The following NKAIN3 variants were observed in gnomAD, a reference collection of about 807,000 sequenced individuals.
NKAIN3 encodes the protein sodium/potassium-transporting ATPase subunit beta-1-interacting protein 3.
Under a neutral mutation model 30.2 loss-of-function variants are expected in NKAIN3, and 25 were observed. The observed-to-expected ratio is 0.83, with a 90% CI of 0.60 to 1.16. The LOEUF (loss-of-function observed/expected upper bound fraction) is 1.16. Ranked by LOEUF, NKAIN3 falls within the 50% of genes most tolerant of loss-of-function variation. The pLI, the probability that NKAIN3 is intolerant of heterozygous loss-of-function variation, is 0.00. For synonymous variants in NKAIN3, 91 were observed against 89.6 expected (o/e 1.02, Z -0.09); for missense variants, 225 against 254.1 (o/e 0.89, Z 0.78).
chr8:62,911,135 G>A (rs771495584), intron 4 of NKAIN3, among the ~76,000 whole-genome samples: 6 of 152,088 alleles, frequency 3.9e-5, no homozygotes, highest in Non-Finnish European at 7.4e-5. Flanking sequence ...ATAAAGGTGT[G>A]GGTAGAAGTA....
chr8:62,370,692 C>T (rs931017325), intron 1 of NKAIN3, among the ~76,000 whole-genome samples: 3 of 151,864 alleles, frequency 2.0e-5, no homozygotes, highest in African/African-American at 7.3e-5. Flanking sequence ...GCTAGCACTA[C>T]CTATTGTATT....
At chr8:62,564,611 A>G (rs1228502638) in intron 1 of NKAIN3, among the ~76,000 whole-genome samples, 2 of 152,154 alleles carry the variant, frequency 1.3e-5, no homozygotes, top group Non-Finnish European at 2.9e-5. Context: ...TGGCCTGCCC[A>G]TTTTTAGGTT....
intron 3 of NKAIN3, among the ~76,000 whole-genome samples, chr8:62,667,355 ATATCTG>A (rs1335955925): frequency 5.2e-5 from 4 of 76,712 alleles, no homozygotes; most frequent in African/African-American, 2.6e-4. Flanking sequence ...CTTTATATAT[ATATCTG>A]TATATATATA....
chr8:62,624,152 T>C (rs1033341190), intron 3 of NKAIN3, among the ~76,000 whole-genome samples: 2 of 152,098 alleles, frequency 1.3e-5, no homozygotes, highest in African/African-American at 4.8e-5. Flanking sequence ...ACTTTCATCA[T>C]CAACTTGGTT....
chr8:62,960,758 A>ACACAC (rs1490723422), intron 6 of NKAIN3, among the ~76,000 whole-genome samples: 8 of 74,082 alleles, frequency 1.1e-4, no homozygotes, highest in Non-Finnish European at 1.8e-4. Flanking sequence ...CACACACACA[A>ACACAC]GTGATTAGAA....
intron 1 of NKAIN3, among the ~76,000 whole-genome samples, chr8:62,289,507 A>C (rs367825163): frequency 9.9e-5 from 15 of 151,898 alleles, no homozygotes; most frequent in Middle Eastern, 3.2e-3. Flanking sequence ...GGAATCCTTT[A>C]CCCATTTCTT....
intron 4 of NKAIN3, chr8:62,863,682 C>A: frequency 7.0e-7 from 1 of 1,427,150 alleles, no homozygotes; most frequent in Non-Finnish European, 9.9e-7. Context: ...AATTTTATTT[C>A]ATCCAAGGCT....
chr8:62,598,965 G>C (rs116339734), intron 3 of NKAIN3, among the ~76,000 whole-genome samples: 1,727 of 152,020 alleles, frequency 0.011, 36 homozygotes, highest in African/African-American at 0.04. Context: ...AGGAAGACAG[G>C]GTTCAAGATT....
intron 1 of NKAIN3, among the ~76,000 whole-genome samples, chr8:62,499,506 G>C (rs928484644): frequency 6.6e-6 from 1 of 152,090 alleles, no homozygotes; most frequent in Admixed American, 6.6e-5. Flanking sequence ...GTATTTCACC[G>C]AAGGTCTCCA....
Position 62,747,046 on chromosome 8 carries a change from T to C in NKAIN3, c.388T>C (p.Tyr130His). ...PPSAHGMMDD[Y>H]TYVSVTGCIV... ...CTCAGCCCATGGCATGATGGACGATTACACGTACGTCTCTGTCACAGGCTG... is the reference window on the plus strand; with the variant it reads ...CTCAGCCCATGGCATGATGGACGATCACACGTACGTCTCTGTCACAGGCTG... The change falls in exon 4 of 7, where the codon TAC becomes CAC. Residue 130 changes from tyrosine (Y) to histidine (H), a missense_variant. Physicochemically the swap from Tyr to His is moderately conservative, Grantham distance 83. Coordinates refer to ENST00000623646, the MANE Select transcript of NKAIN3 (RefSeq NM_001304533.3). 1.9e-6 allele frequency: 3 copies of C among 1,613,716 alleles called. No homozygotes were observed. Among genetic ancestry groups the C allele is most frequent in the Non-Finnish European group, 2.5e-6 (3 of 1,179,640 alleles).
At chr8:62,472,550 T>C (rs947150474) in intron 1 of NKAIN3, among the ~76,000 whole-genome samples, 5 of 152,104 alleles carry the variant, frequency 3.3e-5, no homozygotes, top group Non-Finnish European at 7.4e-5. Context: ...CAAGGGTAGG[T>C]CAGGGAGAGG....
chr8:62,614,577 C>A (rs185376898), intron 3 of NKAIN3, among the ~76,000 whole-genome samples: 3 of 152,264 alleles, frequency 2.0e-5, no homozygotes, highest in Admixed American at 6.5e-5. Flanking sequence ...GGCCTGTGAG[C>A]TTCCCTTCAA....
In NKAIN3 at chr8:62,702,312, C is replaced by G. The variant is rs1814365516; in HGVS notation, c.274-44620C>G. On this transcript the variant is annotated intron_variant, in intron 3 of 6. Transcript: ENST00000623646. ...ACTTCTAAACCAATATTTTTTGTAT[C>G]ATTCCACTCAGAAAGTATCCAGTTT... 1.3e-5 allele frequency among the ~76,000 whole-genome samples: 2 copies of G among 152,070 alleles called. 1 individual carries two copies. The highest frequency in any genetic ancestry group is 4.1e-4 in the South Asian group (2 of 4,828).
intron 3 of NKAIN3, among the ~76,000 whole-genome samples, chr8:62,676,587 T>C (rs1300218346): frequency 6.6e-6 from 1 of 152,126 alleles, no homozygotes; most frequent in East Asian, 1.9e-4. Flanking sequence ...AAACAAAGTA[T>C]ACTATCTTAT....
At chr8:62,253,607 T>C (rs1029146616) in intron 1 of NKAIN3, among the ~76,000 whole-genome samples, 7 of 152,126 alleles carry the variant, frequency 4.6e-5, no homozygotes, top group East Asian at 1.9e-4. Context: ...AATAAATAAA[T>C]AGAGAACATT....
At chr8:62,627,013 A>G (rs986751387) in intron 3 of NKAIN3, among the ~76,000 whole-genome samples, 1 of 152,168 alleles carries the variant, frequency 6.6e-6, no homozygotes, top group Non-Finnish European at 1.5e-5. Flanking sequence ...TGGTAGCCAG[A>G]GCTAGGAAAG....
chr8:62,714,998 T>C (rs1377514874), intron 3 of NKAIN3, among the ~76,000 whole-genome samples: 1 of 152,178 alleles, frequency 6.6e-6, no homozygotes, highest in East Asian at 1.9e-4. Flanking sequence ...CTGCAGGCTG[T>C]ACAGATAGCA....
intron 3 of NKAIN3, among the ~76,000 whole-genome samples, chr8:62,695,997 G>A (rs1232330703): frequency 1.3e-5 from 2 of 152,046 alleles, no homozygotes; most frequent in East Asian, 1.9e-4. Flanking sequence ...CACACTTATA[G>A]TGCACTTATT....
chr8:62,438,164 G>A (rs1398777687), intron 1 of NKAIN3, among the ~76,000 whole-genome samples: 1 of 152,208 alleles, frequency 6.6e-6, no homozygotes, highest in Non-Finnish European at 1.5e-5. Flanking sequence ...CTTCTGGGCT[G>A]CTTTGCTATC....
Sources: allele counts gnomAD v4.1 joint callset (sites outside exome capture counted in the v4.1 genomes callset), GRCh38; gene constraint gnomAD v4.1.1; transcripts MANE v1.5; gene names NCBI Gene and HGNC (gene_info 2026-07-23, HGNC 2026-07-21).